BICD1: variants seen among roughly 807,000 people sequenced by gnomAD.
BICD1 encodes the protein BICD cargo adaptor 1.
A neutral mutation model predicts 92.5 loss-of-function variants in BICD1; 35 were observed. The observed-to-expected ratio is 0.38, with a 90% CI of 0.29 to 0.50. The LOEUF (loss-of-function observed/expected upper bound fraction) is 0.50, where lower values mean the gene tolerates loss of function less well. Among genes scored for constraint, BICD1 ranks in the 20% least tolerant of loss-of-function variants. The pLI, the probability that BICD1 is intolerant of heterozygous loss-of-function variation, is 0.93. For missense variants in BICD1, 950 were observed against 1,189.8 expected (o/e 0.80, Z 2.97); for synonymous variants, 429 against 465.1 (o/e 0.92, Z 1.00).
chr12:32,240,354 C>T (rs958473761), intron 2 of BICD1, among the ~76,000 whole-genome samples: 3 of 151,772 alleles, frequency 2.0e-5, no homozygotes, highest in Non-Finnish European at 4.4e-5. Context: ...GGCCATACCC[C>T]CAGGAAGGCT....
chr12:32,267,696 A>T (rs193034920), intron 2 of BICD1, among the ~76,000 whole-genome samples: 13 of 152,326 alleles, frequency 8.5e-5, no homozygotes, highest in Admixed American at 8.5e-4. Context: ...CTTCTAACCC[A>T]TCTTTCCCCC....
intron 1 of BICD1, among the ~76,000 whole-genome samples, chr12:32,177,682 A>ATTCTTTTTTTTTTTTTTT (rs766041969): frequency 2.1e-4 from 9 of 43,038 alleles, no homozygotes; most frequent in Non-Finnish European, 3.0e-4. Flanking sequence ...AAGAAAACAC[A>ATTCTTTTTTTTTTTTTTT]TTATTAAAGT....
chr12:32,188,217 C>A (rs1236876426), intron 1 of BICD1, among the ~76,000 whole-genome samples: 1 of 152,184 alleles, frequency 6.6e-6, no homozygotes, highest in African/African-American at 2.4e-5. Context: ...GGATTACAGT[C>A]ATGAGCCACT....
chr12:32,249,206 G>GA (rs559820596), intron 2 of BICD1, among the ~76,000 whole-genome samples: 6 of 151,932 alleles, frequency 3.9e-5, no homozygotes, highest in Admixed American at 2.0e-4. Context: ...TAGCTGGCAA[G>GA]AAAAAAAAGA....
intron 1 of BICD1, among the ~76,000 whole-genome samples, chr12:32,195,820 C>T (rs1172261808): frequency 6.6e-6 from 1 of 152,048 alleles, no homozygotes; most frequent in Non-Finnish European, 1.5e-5. Flanking sequence ...ACAAAGGAAA[C>T]AATCAACAAA....
At chr12:32,269,993 G>C (rs901265669) in intron 2 of BICD1, among the ~76,000 whole-genome samples, 1 of 151,586 alleles carries the variant, frequency 6.6e-6, no homozygotes, top group Non-Finnish European at 1.5e-5. Context: ...GTGGTGGCAC[G>C]TACCTATAGT....
intron 8 of BICD1, among the ~76,000 whole-genome samples, chr12:32,351,577 C>T (rs7959002): frequency 0.54 from 81,332 of 149,600 alleles, 23,000 homozygotes; most frequent in African/African-American, 0.72. Flanking sequence ...ATTTATTTTG[C>T]AGAATGATCT....
At chr12:32,217,395 A>G (rs912789125) in intron 2 of BICD1, among the ~76,000 whole-genome samples, 7 of 152,322 alleles carry the variant, frequency 4.6e-5, no homozygotes, top group Admixed American at 2.6e-4. Flanking sequence ...AATAAGTGAC[A>G]TATTACAAAT....
intron 8 of BICD1, among the ~76,000 whole-genome samples, chr12:32,348,723 A>ATATATAT (rs1938731494): frequency 1.7e-5 from 2 of 118,016 alleles, no homozygotes; most frequent in Admixed American, 2.1e-4. Context: ...CTCACACAAA[A>ATATATAT]ATATATATAT....
intron 2 of BICD1, among the ~76,000 whole-genome samples, chr12:32,223,058 T>A (rs1945581606): frequency 6.6e-6 from 1 of 152,268 alleles, no homozygotes; most frequent in South Asian, 2.1e-4. Flanking sequence ...CTTAGCTAGA[T>A]CTGCTGGATC....
At chr12:32,283,983 T>A (rs1241834042) in intron 2 of BICD1, among the ~76,000 whole-genome samples, 2 of 152,252 alleles carry the variant, frequency 1.3e-5, no homozygotes, top group African/African-American at 4.8e-5. Context: ...TGGGCTAAAG[T>A]GGGTCTCCCC....
intron 1 of BICD1, among the ~76,000 whole-genome samples, chr12:32,169,531 G>T (rs1240020246): frequency 6.6e-6 from 1 of 151,652 alleles, no homozygotes; most frequent in African/African-American, 2.4e-5. Context: ...CTCCCGCCTC[G>T]GCCTCTCAAA....
chr12:32,177,872 G>C (rs2121520686), intron 1 of BICD1, among the ~76,000 whole-genome samples: 1 of 149,330 alleles, frequency 6.7e-6, no homozygotes, highest in Non-Finnish European at 1.5e-5. Context: ...CCAGCATAAA[G>C]ATGAGCTTAC....
At chr12:32,325,354 G>T (rs184591475) in intron 4 of BICD1, among the ~76,000 whole-genome samples, 2 of 152,260 alleles carry the variant, frequency 1.3e-5, no homozygotes, top group East Asian at 1.9e-4. Flanking sequence ...TGGTGTCATT[G>T]GCCGTTGGTC....
At chr12:32,265,718 T>TTA (rs1555159709) in intron 2 of BICD1, among the ~76,000 whole-genome samples, 11,715 of 140,812 alleles carry the variant, frequency 0.083, 1,586 homozygotes, top group African/African-American at 0.29. Context: ...AGATCCTATT[T>TTA]AAAAAAAAAA....
Position 32,188,032 on chromosome 12 carries a change from G to A in BICD1, c.214-28215G>A, listed in dbSNP as rs139912048. On this transcript the variant is annotated intron_variant, in intron 1 of 9. Coordinates refer to ENST00000652176, the MANE Select transcript of BICD1 (RefSeq NM_001714.4). ...CGGCTCACTGCAACCTCCGCCTCCC[G>A]GGTTCATGCAATTCTCCCACCTCAG... 4.6e-5 allele frequency among the ~76,000 whole-genome samples: 7 copies of A among 151,846 alleles called. No individual in the cohort carries two copies. In the East Asian group the frequency reaches 1.4e-3, roughly 30 times the overall value.
At chr12:32,339,022 T>C in intron 8 of BICD1, 43 bp downstream of exon 8, 1 of 1,535,494 alleles carries the variant, frequency 6.5e-7, no homozygotes, top group Non-Finnish European at 8.7e-7. Flanking sequence ...AAATGATTAG[T>C]TGAATAGACT....
In BICD1 at chr12:32,338,851, ATT is replaced by A. The variant is rs775256339; in HGVS notation, c.2638_2639del (p.Leu880IlefsTer6). ...ACTTCAGGGGCTTCCTACCTACAGA[ATT>A]TATTAAGAGTTCCCCCTGATCCCAC... On this transcript the variant is annotated frameshift_variant, in exon 8 of 10. Coordinates refer to ENST00000652176, the MANE Select transcript of BICD1 (RefSeq NM_001714.4). LOFTEE classifies it high-confidence loss of function. The A allele has an allele frequency of 1.0e-5, 16 of 1,605,554 alleles. No individual in the cohort carries two copies. Among genetic ancestry groups the A allele is most frequent in the Non-Finnish European group, 1.3e-5 (15 of 1,176,422 alleles).
intron 1 of BICD1, among the ~76,000 whole-genome samples, chr12:32,114,096 C>A (rs1006971316): frequency 6.6e-6 from 1 of 152,042 alleles, no homozygotes; most frequent in Non-Finnish European, 1.5e-5. Context: ...TGGTCTTGAT[C>A]TTCTGACCTC....
Sources: allele counts gnomAD v4.1 joint callset (sites outside exome capture counted in the v4.1 genomes callset), GRCh38; gene constraint gnomAD v4.1.1; transcripts MANE v1.5; gene names NCBI Gene and HGNC (gene_info 2026-07-23, HGNC 2026-07-21).